The following NSUN6 variants were observed in gnomAD, a reference collection of about 807,000 sequenced individuals.
NSUN6 encodes the protein NOP2/Sun RNA methyltransferase 6, also known as tRNA (cytosine(72)-C(5))-methyltransferase NSUN6.
In NSUN6, 64 loss-of-function variants were observed where a neutral mutation model predicts 58.0. That is an observed-to-expected ratio of 1.10 (90% CI 0.90 to 1.36). The LOEUF is 1.36. Among genes scored for constraint, NSUN6 ranks in the 40% most tolerant of loss-of-function variants. The probability of loss-of-function intolerance (pLI) is 0.00; values close to 1 mark genes in which losing one functional copy is unlikely to be tolerated. For missense variants in NSUN6, 701 were observed against 550.1 expected (o/e 1.27, Z -2.74); for synonymous variants, 231 against 193.9 (o/e 1.19, Z -1.59).
chr10:18,633,986 A>G (rs2059126903), intron 3 of NSUN6, among the ~76,000 whole-genome samples: 1 of 152,170 alleles, frequency 6.6e-6, no homozygotes, highest in Non-Finnish European at 1.5e-5. Context: ...CAGAAAACAT[A>G]TTTGATTAGT....
At chr10:18,560,941 G>A (rs573053401) in intron 8 of NSUN6, among the ~76,000 whole-genome samples, 19 of 149,722 alleles carry the variant, frequency 1.3e-4, no homozygotes, top group South Asian at 1.1e-3. Flanking sequence ...ATGGAATGGA[G>A]CATGGAATAA....
intron 8 of NSUN6, among the ~76,000 whole-genome samples, chr10:18,578,231 A>ATTTTTTTT (rs71402184): frequency 3.3e-5 from 4 of 121,146 alleles, no homozygotes; most frequent in Non-Finnish European, 4.9e-5. Context: ...CTCTAAGCCT[A>ATTTTTTTT]TTTTTTTTTT....
intron 9 of NSUN6, among the ~76,000 whole-genome samples, chr10:18,549,773 A>T (rs563028964): frequency 6.6e-6 from 1 of 152,376 alleles, no homozygotes; most frequent in East Asian, 1.9e-4. Context: ...AATCTTTAAA[A>T]ATAGAGTATA....
chr10:18,649,092 C>T (rs751837826), intron 1 of NSUN6, among the ~76,000 whole-genome samples: 23 of 151,968 alleles, frequency 1.5e-4, no homozygotes, highest in Non-Finnish European at 3.1e-4. Context: ...TTTTAAAATA[C>T]CAATATTTAA....
At chr10:18,600,946 A>ATT (rs2057792650) in intron 6 of NSUN6, among the ~76,000 whole-genome samples, 1 of 91,912 alleles carries the variant, frequency 1.1e-5, no homozygotes, top group South Asian at 3.4e-4. Context: ...AAAAAAATAT[A>ATT]TATATATATA....
At position 18,585,904 on chromosome 10, in the gene NSUN6, A is replaced by T. The variant is rs751448573; in HGVS notation, c.922+45T>A. 33 of 1,443,118 alleles carry T rather than the reference A, an allele frequency of 2.3e-5. No individual in the cohort carries two copies. The African/African-American group carries it at 2.9e-4, about 13-fold the overall frequency. 89.4% of individuals were successfully genotyped at this position (1,443,118 alleles called of 1,614,324 possible). ...CAAAACATCACACTGTATGCCACAA[A>T]TATATGATCTGTCAATTAAAAATAA... On this transcript the variant is annotated intron_variant, in intron 8 of 10. Transcript: ENST00000377304.
rs578208456 is a variant in NSUN6 at position 18,614,314 on chromosome 10, TA to T, written c.575+145del. On this transcript the variant is annotated intron_variant, in intron 5 of 10. Transcript: ENST00000377304. Reference sequence around the variant, plus strand: ...CCTTTTTGACCAAACATCATGGAAATATGGGTTTAAACAATTTTTTTCCAGT... The same window carrying T: ...CCTTTTTGACCAAACATCATGGAAATTGGGTTTAAACAATTTTTTTCCAGT... The T allele has an allele frequency of 4.6e-4, 186 of 405,288 alleles. 1 individual carries two copies. Among genetic ancestry groups the T allele is most frequent in the African/African-American group, 3.5e-3 (167 of 47,642 alleles). The allele number at this position is 405,288 out of a possible 1,614,324, so 25.1% of individuals were successfully genotyped here.
At position 18,651,163 on chromosome 10, in the gene NSUN6, T is replaced by C. The variant is rs149769458; in HGVS notation, c.41A>G (p.Glu14Gly). Residue 14 changes from glutamate to glycine, a missense_variant, in exon 1 of 11, where the codon GAA (glutamate) becomes GGA (glycine). Coordinates refer to ENST00000377304, the MANE Select transcript of NSUN6 (RefSeq NM_182543.5). ...FPKISLRPEV[E>G]NYLKEGFMNK... ...CATAAAGCCTTCCTTAAGATAGTTT[T>C]CAACCTCAGGTCTCAAAGATATCTT... is the stretch of plus-strand genomic sequence containing the variant. The C allele has an allele frequency of 2.9e-4, 454 of 1,584,218 alleles. 1 individual carries two copies. The African/African-American group carries it at 5.8e-3, about 20-fold the overall frequency.
In NSUN6 at chr10:18,551,479, A is replaced by G. The variant is rs540282563; in HGVS notation, c.1071+344T>C. ...ATCTCCCAGCCCCACAATGCCTGGTAGTATCTATTCTTCTTCCTGTCTCTG... is the reference window on the plus strand; with the variant it reads ...ATCTCCCAGCCCCACAATGCCTGGTGGTATCTATTCTTCTTCCTGTCTCTG... On this transcript the variant is annotated intron_variant, in intron 9 of 10. Transcript: ENST00000377304. Among the ~76,000 whole-genome samples, 8 of 152,226 alleles carry G rather than the reference A, an allele frequency of 5.3e-5. No homozygotes were observed. The East Asian group carries it at 1.5e-3, about 29-fold the overall frequency.
chr10:18,546,172 G>A (rs372509435), intron 10 of NSUN6, 27 bp from the exon 11 acceptor site: 168 of 1,454,842 alleles, frequency 1.2e-4, no homozygotes, highest in Non-Finnish European at 1.4e-4. Context: ...GATCAATATG[G>A]ATGAACATCC....
chr10:18,560,746 T>C (rs1164960929), intron 8 of NSUN6, among the ~76,000 whole-genome samples: 2 of 142,132 alleles, frequency 1.4e-5, no homozygotes, highest in Non-Finnish European at 3.0e-5. Flanking sequence ...GAATAGAGAA[T>C]GGAATGGAAT....
chr10:18,656,662 A>G (rs1475695486), upstream of NSUN6, among the ~76,000 whole-genome samples: 1 of 152,204 alleles, frequency 6.6e-6, no homozygotes, highest in African/African-American at 2.4e-5. Context: ...AAAACATCTT[A>G]TAGTTTTATT....
intron 3 of NSUN6, among the ~76,000 whole-genome samples, chr10:18,618,400 G>C (rs1409942894): frequency 6.6e-6 from 1 of 151,954 alleles, no homozygotes; most frequent in Admixed American, 6.6e-5. Context: ...TATAAATGCT[G>C]GTCAGGTGCA....
Position 18,637,089 on chromosome 10 carries a change from A to G in NSUN6, c.311+5387T>C, listed in dbSNP as rs1374509197. On this transcript the variant is annotated intron_variant, in intron 3 of 10. Transcript: ENST00000377304. ...GCGAGTCTCCTTCCTCAGCCTCCCA[A>G]GTAGCTGGGATTATAGGCATGCACC... 2.6e-5 allele frequency among the ~76,000 whole-genome samples: 4 copies of G among 151,626 alleles called. No individual in the cohort carries two copies. In the East Asian group the frequency reaches 5.9e-4, roughly 22 times the overall value.
chr10:18,590,661 G>A (rs1013794208), intron 7 of NSUN6, among the ~76,000 whole-genome samples: 1 of 152,160 alleles, frequency 6.6e-6, no homozygotes, highest in Non-Finnish European at 1.5e-5. Flanking sequence ...TGACTACTGG[G>A]TAAATAAAAC....
Position 18,630,753 on chromosome 10 carries a change from G to T in NSUN6, c.311+11723C>A, listed in dbSNP as rs548618107. On this transcript the variant is annotated intron_variant, in intron 3 of 10. Transcript: ENST00000377304. ...ACCAATAACAGGAGCTGAAATTGTG[G>T]CAATAATCAATAGCTTACCCACCAA... Among the ~76,000 whole-genome samples the T allele has an allele frequency of 7.2e-4, 110 of 152,270 alleles. 1 individual carries two copies. Among genetic ancestry groups the T allele is most frequent in the African/African-American group, 2.6e-3 (109 of 41,552 alleles).
intron 3 of NSUN6, among the ~76,000 whole-genome samples, chr10:18,618,016 A>G (rs1330943749): frequency 6.6e-6 from 1 of 152,232 alleles, no homozygotes; most frequent in East Asian, 1.9e-4. Flanking sequence ...ATTCTGCTAT[A>G]GCAGCAAAAA....
chr10:18,563,304 A>C (rs2055679213), intron 8 of NSUN6, among the ~76,000 whole-genome samples: 1 of 151,050 alleles, frequency 6.6e-6, no homozygotes, highest in African/African-American at 2.4e-5. Flanking sequence ...GAGAATGCAG[A>C]ATGGAATGGA....
Position 18,596,209 on chromosome 10 carries a change from T to G in NSUN6, c.776A>C (p.Gln259Pro). The G allele has an allele frequency of 6.2e-7, 1 of 1,610,680 alleles. No homozygotes were observed. Among genetic ancestry groups the G allele is most frequent in the Non-Finnish European group, 8.5e-7 (1 of 1,176,984 alleles). Residue 259 changes from glutamine to proline, a missense_variant and splice_region_variant, in exon 7 of 11, where the codon CAG (glutamine) becomes CCG (proline). Gln to Pro is a moderately conservative substitution (Grantham distance 76). Coordinates refer to ENST00000377304, the MANE Select transcript of NSUN6 (RefSeq NM_182543.5). ...TTHIAALMHD[Q>P]GEVIALDKIF... ...GATTTGCTGTGAAGACAGTCTCACC[T>G]GATCATGCATTAGTGCTGCAATGTG... is the stretch of plus-strand genomic sequence containing the variant.
Sources: gnomAD v4.1 joint callset for allele counts (sites outside exome capture counted in the v4.1 genomes callset) on GRCh38, gnomAD v4.1.1 for gene constraint, MANE v1.5 for transcripts, NCBI Gene and HGNC (gene_info 2026-07-23, HGNC 2026-07-21) for gene names.